The following CEP41 variants were observed in gnomAD, a reference collection of about 807,000 sequenced individuals.
The protein encoded by CEP41 is centrosomal protein of 41 kDa.
CEP41 carries 32 observed loss-of-function variants against 44.3 expected under a neutral mutation model. The ratio of observed to expected loss-of-function variants is 0.72; its 90% CI spans 0.54 to 0.97. The LOEUF (loss-of-function observed/expected upper bound fraction) is 0.97, where lower values mean the gene tolerates loss of function less well. Ranked by LOEUF, CEP41 falls within the 50% of genes least tolerant of loss-of-function variation. The pLI, the probability that CEP41 is intolerant of heterozygous loss-of-function variation, is 0.00. For synonymous variants in CEP41, 151 were observed against 168.5 expected, an observed-to-expected ratio of 0.90 and a Z score of 0.80; for missense variants, 432 against 455.2, an observed-to-expected ratio of 0.95 and a Z score of 0.46.
At chr7:130,421,275 G>A (rs373487300) in intron 2 of CEP41, 1 of 985,422 alleles carries the variant, frequency 1.0e-6, no homozygotes. Context: ...GTAATCTAAA[G>A]TAGATGAGAT....
chr7:130,433,544 T>C (rs782260090), intron 1 of CEP41, among the ~76,000 whole-genome samples: 1 of 152,178 alleles, frequency 6.6e-6, no homozygotes, highest in Non-Finnish European at 1.5e-5. Flanking sequence ...AAGTTCCTGT[T>C]TGTGGTATCA....
intron 1 of CEP41, among the ~76,000 whole-genome samples, chr7:130,432,697 C>A (rs1797858885): frequency 6.6e-6 from 1 of 151,642 alleles, no homozygotes; most frequent in African/African-American, 2.4e-5. Flanking sequence ...CAGGTCAAGG[C>A]TGCAGTGAGC....
intron 10 of CEP41, 196 bp from the exon 11 acceptor site, chr7:130,399,235 G>C (rs1796768180): frequency 1.6e-6 from 1 of 640,044 alleles, no homozygotes; most frequent in Non-Finnish European, 2.7e-6. Flanking sequence ...GAGGGGGACA[G>C]AAATGAAGGG....
rs545883847 is a variant in CEP41, at chr7:130,438,372, A to G, written c.33+2562T>C. Reference sequence around the variant, plus strand: ...TCAAAAGTTTGAGACCAGACTGGGCAACATGGTAAAACCGCATCTTTACAA... The same window carrying G: ...TCAAAAGTTTGAGACCAGACTGGGCGACATGGTAAAACCGCATCTTTACAA... On this transcript the variant is annotated intron_variant, in intron 1 of 10. Transcript: ENST00000223208. Among the ~76,000 whole-genome samples, 14 of 152,246 alleles carry G rather than the reference A, an allele frequency of 9.2e-5. No homozygotes were observed. In the South Asian group the frequency reaches 2.9e-3, roughly 32 times the overall value.
At chr7:130,418,339 G>A (rs1168198167) in intron 2 of CEP41, among the ~76,000 whole-genome samples, 1 of 152,156 alleles carries the variant, frequency 6.6e-6, no homozygotes, top group African/African-American at 2.4e-5. Flanking sequence ...GACCCGAGAT[G>A]TGACCAGATC....
intron 3 of CEP41, among the ~76,000 whole-genome samples, chr7:130,416,321 G>A (rs1253838739): frequency 6.6e-6 from 1 of 152,326 alleles, no homozygotes; most frequent in East Asian, 1.9e-4. Flanking sequence ...AGTTTTGGAT[G>A]CAGACTGAAA....
In CEP41 at chr7:130,398,662, A is replaced by C. The variant is rs782565375; in HGVS notation, c.*229T>G. 4 of 717,436 alleles carry C rather than the reference A, an allele frequency of 5.6e-6. No individual in the cohort carries two copies. Among genetic ancestry groups the C allele is most frequent in the Non-Finnish European group, 1.0e-5 (4 of 393,222 alleles). 44.4% of individuals were successfully genotyped at this position (717,436 alleles called of 1,614,324 possible). On this transcript the variant is annotated 3_prime_UTR_variant, in exon 11 of 11. Coordinates refer to ENST00000223208, the MANE Select transcript of CEP41 (RefSeq NM_018718.3). ...AAATATGCTGTAAACAACAGGGAGG[A>C]GACTAGAGCCTGTCACACCTCTGGT...
chr7:130,417,043 A>T, intron 2 of CEP41, 77 bp from the exon 3 acceptor site: 1 of 1,364,408 alleles, frequency 7.3e-7, no homozygotes, highest in Non-Finnish European at 1.0e-6. Flanking sequence ...AGAATGGAGG[A>T]AAAGTATCCC....
rs1554417317 is a variant in CEP41, at chr7:130,402,790, A to G, written c.432T>C (p.Ser144=). 6.2e-7 allele frequency: 1 copy of G among 1,614,074 alleles called. No homozygotes were observed. Residue 144 remains serine (S), a synonymous_variant, in exon 7 of 11, where the codon AGT becomes AGC. Coordinates refer to ENST00000223208, the MANE Select transcript of CEP41 (RefSeq NM_018718.3). Reference sequence around the variant, plus strand: ...TGTCTAGATCCAGTTCCCCAACACCACTGATGACACTGCAAGTGAAAAAGT... The same window carrying G: ...TGTCTAGATCCAGTTCCCCAACACCGCTGATGACACTGCAAGTGAAAAAGT... ...SSRSTLQSVI[S]GVGELDLDKG...
intron 2 of CEP41, chr7:130,417,422 C>T (rs2117629281): frequency 2.2e-6 from 2 of 914,834 alleles, no homozygotes; most frequent in East Asian, 1.7e-4. Flanking sequence ...TCGGCTTTGT[C>T]TTCACAGTTT....
At chr7:130,407,877 G>T (rs1284364450) in intron 5 of CEP41, among the ~76,000 whole-genome samples, 10 of 151,850 alleles carry the variant, frequency 6.6e-5, no homozygotes, top group Non-Finnish European at 1.5e-4. Context: ...AAATTAAAAG[G>T]TGAATAACAA....
intron 8 of CEP41, 164 bp from the exon 9 acceptor site, chr7:130,400,985 C>G (rs1796827581): frequency 1.6e-6 from 1 of 635,834 alleles, no homozygotes; most frequent in African/African-American, 1.8e-5. Context: ...GGTTTCCCAT[C>G]ATGGAAACCA....
chr7:130,421,601 C>G, intron 2 of CEP41: 1 of 994,284 alleles, frequency 1.0e-6, no homozygotes, highest in Non-Finnish European at 1.2e-6. Context: ...AAAAGTAAAG[C>G]CTAAAGAAGA....
In CEP41 at chr7:130,440,967, AT is replaced by A. The variant is rs879992399; in HGVS notation, c.-2del. The A allele has an allele frequency of 1.2e-6, 2 of 1,612,610 alleles. No homozygotes were observed. Among genetic ancestry groups the A allele is most frequent in the Middle Eastern group, 1.6e-4 (1 of 6,084 alleles). ...TCCCAATGTGCCTCCGGAGGGACAT[AT>A]TTTCTCCAACCGACCACGTTCGGGG... is the stretch of plus-strand genomic sequence containing the variant. On this transcript the variant is annotated 5_prime_UTR_variant, in exon 1 of 11. Transcript: ENST00000223208.
intron 6 of CEP41, 68 bp from the exon 7 acceptor site, chr7:130,402,867 C>A: frequency 6.6e-7 from 1 of 1,518,174 alleles, no homozygotes; most frequent in South Asian, 1.1e-5. Flanking sequence ...GAACGTGTCT[C>A]TTCAGAATAG....
chr7:130,419,406 G>GTGTAATCCCA (rs1797431384), intron 2 of CEP41: 1 of 985,218 alleles, frequency 1.0e-6, no homozygotes, highest in African/African-American at 1.7e-5. Flanking sequence ...TGTGTAAACT[G>GTGTAATCCCA]CTTACATCTT....
At chr7:130,412,288 G>T in intron 3 of CEP41, 48 bp from the exon 4 acceptor site, 1 of 935,008 alleles carries the variant, frequency 1.1e-6, no homozygotes, top group Non-Finnish European at 1.8e-6. Context: ...CTTTTTTAGA[G>T]CTATTCTTTC....
chr7:130,400,137 G>A lies in CEP41; in HGVS notation c.875C>T (p.Pro292Leu), dbSNP rs1796798339. 3 of 1,613,608 alleles carry A rather than the reference G, an allele frequency of 1.9e-6. No homozygotes were observed. The highest frequency in any genetic ancestry group is 2.5e-6 in the Non-Finnish European group (3 of 1,179,654). Reference sequence around the variant, plus strand: ...CCATTTATTCTCAGCTGGTAGGGGTGGCCCTTTGGGGCTGGATCGTTTCCG... The same window carrying A: ...CCATTTATTCTCAGCTGGTAGGGGTAGCCCTTTGGGGCTGGATCGTTTCCG... ...SARKRSSPKG[P>L]PLPAENKWRF... is the part of the protein sequence containing the mutation. The change falls in exon 10 of 11, where the codon CCA (proline) becomes CTA (leucine). Residue 292 changes from proline to leucine, a missense_variant. Transcript: ENST00000223208.
intron 5 of CEP41, among the ~76,000 whole-genome samples, chr7:130,407,082 C>T (rs1019010676): frequency 3.3e-5 from 5 of 151,920 alleles, no homozygotes; most frequent in Non-Finnish European, 5.9e-5. Flanking sequence ...AAAAATTTTA[C>T]TTAGAGGCCT....
Sources: allele counts gnomAD v4.1 joint callset (sites outside exome capture counted in the v4.1 genomes callset), GRCh38; gene constraint gnomAD v4.1.1; transcripts MANE v1.5; gene names NCBI Gene and HGNC (gene_info 2026-07-23, HGNC 2026-07-21).